Variants in MYO16 observed in about 807,000 individuals in gnomAD.
MYO16 encodes unconventional myosin-XVI.
Under a neutral mutation model 205.3 loss-of-function variants are expected in MYO16, and 94 were observed. The ratio of observed to expected loss-of-function variants is 0.46; its 90% confidence interval spans 0.39 to 0.54. The LOEUF is 0.54. MYO16 is among the 20% of genes least tolerant of loss of function. MYO16 has a pLI of 0.00. For synonymous variants in MYO16, 988 were observed against 954.0 expected (o/e 1.04, Z -0.66); for missense variants, 2,315 against 2,387.5 (o/e 0.97, Z 0.63).
upstream of MYO16, among the ~76,000 whole-genome samples, chr13:108,626,237 G>A (rs1188092820): frequency 6.6e-6 from 1 of 151,966 alleles, no homozygotes; most frequent in Non-Finnish European, 1.5e-5. Flanking sequence ...GAGAAAAAGG[G>A]GTTTCTTGAT....
intron 7 of MYO16, among the ~76,000 whole-genome samples, chr13:108,807,120 G>A (rs1887139720): frequency 6.6e-6 from 1 of 152,140 alleles, no homozygotes; most frequent in African/African-American, 2.4e-5. Flanking sequence ...TCATGAATCT[G>A]TAATAATTAT....
chr13:108,806,547 G>T, intron 6 of MYO16, 132 bp from the exon 7 acceptor site: 1 of 637,558 alleles, frequency 1.6e-6, no homozygotes, highest in Non-Finnish European at 2.5e-6. Context: ...TTGCATGTAT[G>T]TTCTTTTGTT....
At chr13:108,618,210 T>C (rs1179747304) in intron 1 of MYO16, among the ~76,000 whole-genome samples, 1 of 152,210 alleles carries the variant, frequency 6.6e-6, no homozygotes, top group Non-Finnish European at 1.5e-5. Flanking sequence ...AAATCTGCTA[T>C]CCACTCCCCA....
At chr13:108,561,970 G>A in the MYO16 span, among the ~76,000 whole-genome samples, 1 of 152,142 alleles carries the variant, frequency 6.6e-6, no homozygotes, top group Non-Finnish European at 1.5e-5. Context: ...CTGCACTCTG[G>A]AATCAATTAA....
In MYO16 at chr13:109,170,365, C is replaced by A. The variant is rs919983690; in HGVS notation, c.5323+5306C>A. ...ACTACACACACTCTAGAATTACAGA[C>A]CCGCCTGAAAAGGAAGAGGTGCTCG... On this transcript the variant is annotated intron_variant, in intron 33 of 34. Coordinates refer to ENST00000457511, the MANE Select transcript of MYO16 (RefSeq NM_001198950.3). 4.5e-4 allele frequency among the ~76,000 whole-genome samples: 69 copies of A among 152,082 alleles called. 1 individual carries two copies. The highest frequency in any genetic ancestry group is 6.8e-4 in the Non-Finnish European group (46 of 67,986).
chr13:109,059,556 GTCT>G (rs1302791298), intron 27 of MYO16, among the ~76,000 whole-genome samples: 1 of 152,108 alleles, frequency 6.6e-6, no homozygotes, highest in Non-Finnish European at 1.5e-5. Context: ...CCGCATAAAT[GTCT>G]TCTTTTGAGA....
chr13:109,182,097 C>T (rs1013622459), intron 34 of MYO16, among the ~76,000 whole-genome samples: 8 of 152,038 alleles, frequency 5.3e-5, no homozygotes, highest in Non-Finnish European at 1.2e-4. Context: ...GGATTACAGG[C>T]GGGAGCCACT....
At chr13:108,654,303 G>A (rs375717717) in intron 1 of MYO16, among the ~76,000 whole-genome samples, 3 of 152,104 alleles carry the variant, frequency 2.0e-5, no homozygotes, top group East Asian at 1.9e-4. Flanking sequence ...AATCACGGGG[G>A]CGGTTTCCCC....
intron 3 of MYO16, among the ~76,000 whole-genome samples, chr13:108,713,215 A>G (rs7321067): frequency 0.99 from 150,808 of 152,258 alleles, 74,695 homozygotes; most frequent in Middle Eastern, 1. Context: ...AATATATTAG[A>G]TTCGTGTGCA....
intron 2 of MYO16, among the ~76,000 whole-genome samples, chr13:108,709,639 C>T (rs1417058565): frequency 1.5e-5 from 2 of 135,730 alleles, no homozygotes; most frequent in Non-Finnish European, 3.2e-5. Context: ...ATTTTCTTCT[C>T]AAAATTATTA....
intron 12 of MYO16, among the ~76,000 whole-genome samples, chr13:108,879,462 G>A (rs897080621): frequency 9.2e-5 from 14 of 152,012 alleles, no homozygotes; most frequent in East Asian, 5.8e-4. Flanking sequence ...TGCTGCACCC[G>A]TTAATTCATC....
At chr13:108,623,568 C>G (rs1288535900) in intron 1 of MYO16, among the ~76,000 whole-genome samples, 3 of 152,148 alleles carry the variant, frequency 2.0e-5, no homozygotes, top group African/African-American at 7.2e-5. Flanking sequence ...AGGGGCTATA[C>G]TCCACTTCAT....
chr13:108,812,631 A>G (rs1048557564), intron 7 of MYO16, among the ~76,000 whole-genome samples: 5 of 152,210 alleles, frequency 3.3e-5, no homozygotes, highest in South Asian at 2.1e-4. Flanking sequence ...ACCAAAGGCA[A>G]TATCTTGTGA....
intron 14 of MYO16, among the ~76,000 whole-genome samples, chr13:108,892,111 C>G (rs1025149807): frequency 6.6e-6 from 1 of 152,100 alleles, no homozygotes; most frequent in African/African-American, 2.4e-5. Context: ...ATTCTGTAGA[C>G]TTTTCTCTTT....
In MYO16 at chr13:108,898,189, G is replaced by T; in HGVS notation, c.1777+56G>T. ...CTGTGCCGAGCCAGCATGCGACCAC[G>T]TCACACACAGGCACGCTATGGACAC... is the stretch of plus-strand genomic sequence containing the variant. On this transcript the variant is annotated intron_variant, in intron 15 of 34. Coordinates refer to ENST00000457511, the MANE Select transcript of MYO16 (RefSeq NM_001198950.3). 2.2e-6 allele frequency: 3 copies of T among 1,338,486 alleles called. No individual in the cohort carries two copies. In the South Asian group the frequency reaches 3.5e-5, roughly 16 times the overall value. The allele number at this position is 1,338,486 out of a possible 1,614,324, so 82.9% of individuals were successfully genotyped here. A position where few individuals can be genotyped will look rare whatever the true frequency, so the allele number is the denominator to read the frequency against.
In MYO16 at chr13:109,140,267, T is replaced by C. The variant is rs1181121570; in HGVS notation, c.4055T>C (p.Leu1352Pro). Residue 1352 changes from leucine (L) to proline (P), a missense_variant, in exon 32 of 35, where the codon CTG (leucine) becomes CCG (proline). Transcript: ENST00000457511. The surrounding 1 kb of genome is among the most constrained non-coding windows in gnomAD (Gnocchi z 8.0). ...ACCGCGTCCTTTCCTGCCGCAGCTC[T>C]GGCCCGGCCCAGACCGCACAGCGAC... Reference protein sequence around the residue: ...SAAREAANEALARPRPHSDDY... With the variant: ...SAAREAANEAPARPRPHSDDY... The C allele has an allele frequency of 6.3e-7, 1 of 1,599,108 alleles. No homozygotes were observed. The highest frequency in any genetic ancestry group is 1.1e-5 in the South Asian group (1 of 91,070).
At chr13:108,796,929 T>A (rs1886811181) in intron 6 of MYO16, among the ~76,000 whole-genome samples, 1 of 53,630 alleles carries the variant, frequency 1.9e-5, no homozygotes, top group Admixed American at 1.7e-4. Context: ...TTTAAAAAAA[T>A]TAAAATTAAA....
intron 34 of MYO16, among the ~76,000 whole-genome samples, chr13:109,198,861 AAGTAGCTTGCAT>A (rs1351137116): frequency 3.3e-5 from 5 of 152,120 alleles, no homozygotes; most frequent in African/African-American, 9.7e-5. Flanking sequence ...AGCATTGCAC[AAGTAGCTTGCAT>A]AGTTGGGTTC....
At chr13:108,813,703 A>ACT (rs779286943) in intron 7 of MYO16, among the ~76,000 whole-genome samples, 1 of 151,778 alleles carries the variant, frequency 6.6e-6, no homozygotes, top group East Asian at 1.9e-4. Flanking sequence ...ACACATACAC[A>ACT]CTCTCTCTCT....
Sources: gnomAD v4.1 joint callset for allele counts (sites outside exome capture counted in the v4.1 genomes callset) on GRCh38, gnomAD v4.1.1 for gene constraint, Gnocchi (gnomAD v3.1) non-coding constraint, MANE v1.5 for transcripts, NCBI Gene and HGNC (gene_info 2026-07-23, HGNC 2026-07-21) for gene names.